CHSY3: variants seen among roughly 807,000 people sequenced by gnomAD.
CHSY3 encodes the protein N-acetylgalactosaminyl-proteoglycan 3-beta-glucuronosyltransferase 3.
In CHSY3, 35 loss-of-function variants were observed where a neutral mutation model predicts 67.2. The ratio of observed to expected loss-of-function variants is 0.52; its 90% CI spans 0.40 to 0.69. The LOEUF is 0.69. CHSY3 is among the 30% of genes least tolerant of loss of function. The pLI is 0.00. For synonymous variants in CHSY3, 474 were observed against 434.7 expected (o/e 1.09, Z -1.12); for missense variants, 1,069 against 1,138.5 (o/e 0.94, Z 0.88).
intron 2 of CHSY3, among the ~76,000 whole-genome samples, chr5:130,154,872 C>G (rs1217367346): frequency 1.3e-5 from 2 of 152,232 alleles, no homozygotes; most frequent in South Asian, 2.1e-4. Context: ...CTGGCAAACC[C>G]TGTACCACTA....
At chr5:130,130,898 C>T (rs763613508) in intron 2 of CHSY3, among the ~76,000 whole-genome samples, 4 of 152,192 alleles carry the variant, frequency 2.6e-5, no homozygotes, top group African/African-American at 9.6e-5. Flanking sequence ...GTCTCACAGA[C>T]AGGTTCTGTT....
At chr5:129,909,976 T>G (rs1760477376) in intron 2 of CHSY3, among the ~76,000 whole-genome samples, 1 of 151,996 alleles carries the variant, frequency 6.6e-6, no homozygotes, top group African/African-American at 2.4e-5. Context: ...TCTTTTCAAG[T>G]TCTCATTGAT....
At chr5:130,164,268 C>T (rs568419717) in intron 2 of CHSY3, among the ~76,000 whole-genome samples, 1 of 151,912 alleles carries the variant, frequency 6.6e-6, no homozygotes, top group Non-Finnish European at 1.5e-5. Context: ...AGCCAGGGTC[C>T]AGGTAATAAG....
chr5:129,906,497 C>T (rs1331491744), intron 1 of CHSY3, among the ~76,000 whole-genome samples: 1 of 152,200 alleles, frequency 6.6e-6, no homozygotes, highest in Non-Finnish European at 1.5e-5. Flanking sequence ...AAGTCCTTCC[C>T]AGAACCACAG....
chr5:129,956,524 A>T (rs1453332278), intron 2 of CHSY3, among the ~76,000 whole-genome samples: 1 of 152,096 alleles, frequency 6.6e-6, no homozygotes, highest in Non-Finnish European at 1.5e-5. Flanking sequence ...CTCAGTTGAT[A>T]GTTTCTTTTG....
intron 2 of CHSY3, among the ~76,000 whole-genome samples, chr5:130,122,641 A>T (rs2149709479): frequency 6.6e-6 from 1 of 152,294 alleles, no homozygotes; most frequent in East Asian, 1.9e-4. Flanking sequence ...TGCTGTTAGG[A>T]TAAGGGTAGT....
At chr5:129,973,572 C>T (rs999246966) in intron 2 of CHSY3, among the ~76,000 whole-genome samples, 4 of 152,036 alleles carry the variant, frequency 2.6e-5, no homozygotes, top group African/African-American at 4.8e-5. Flanking sequence ...CTCCCTAATA[C>T]GCCCCACTGT....
intron 2 of CHSY3, among the ~76,000 whole-genome samples, chr5:130,093,763 C>T (rs1275435032): frequency 6.6e-6 from 1 of 152,052 alleles, no homozygotes; most frequent in Non-Finnish European, 1.5e-5. Context: ...AGAATGGGCT[C>T]ATTTTCATCC....
chr5:129,928,174 C>T lies in CHSY3; in HGVS notation c.1086+19814C>T, dbSNP rs141048509. ...ATTAAACTTGGTATTCATTTGTTAT[C>T]TTTCCTGATCCTCCCTCTCCCCACC... On this transcript the variant is annotated intron_variant, in intron 2 of 2. Transcript: ENST00000305031. Among the ~76,000 whole-genome samples the T allele has an allele frequency of 4.0e-3, 608 of 151,002 alleles. 5 individuals are homozygous for T. The highest frequency in any genetic ancestry group is 0.014 in the African/African-American group (581 of 41,210).
chr5:130,143,406 G>T (rs567196790), intron 2 of CHSY3, among the ~76,000 whole-genome samples: 2 of 152,102 alleles, frequency 1.3e-5, no homozygotes, highest in Non-Finnish European at 2.9e-5. Context: ...ATTAATCTAT[G>T]CTATTTGAAC....
intron 2 of CHSY3, among the ~76,000 whole-genome samples, chr5:130,159,692 AT>A (rs1375349844): frequency 2.0e-5 from 3 of 152,184 alleles, no homozygotes; most frequent in African/African-American, 4.8e-5. Flanking sequence ...CTTTAAGCAA[AT>A]TAGCATATAT....
In CHSY3 at chr5:130,070,437, G is replaced by T. The variant is rs145684395; in HGVS notation, c.1087-113792G>T. Among the ~76,000 whole-genome samples the T allele has an allele frequency of 2.1e-3, 314 of 152,162 alleles. 3 individuals carry two copies. Among genetic ancestry groups the T allele is most frequent in the African/African-American group, 6.9e-3 (287 of 41,542 alleles). ...CAGTGATTGAAAGGCAAAGAGCTTG[G>T]ATAAATGAATCCACCACGTCCAGCT... On this transcript the variant is annotated intron_variant, in intron 2 of 2. Coordinates refer to ENST00000305031, the MANE Select transcript of CHSY3 (RefSeq NM_175856.5).
chr5:129,959,072 C>A (rs1487165613), intron 2 of CHSY3, among the ~76,000 whole-genome samples: 3 of 151,866 alleles, frequency 2.0e-5, no homozygotes, highest in Non-Finnish European at 4.4e-5. Context: ...AGTGAATATG[C>A]TCTCTTTAGT....
At chr5:129,918,604 C>T (rs570005899) in intron 2 of CHSY3, among the ~76,000 whole-genome samples, 7 of 152,008 alleles carry the variant, frequency 4.6e-5, no homozygotes, top group Non-Finnish European at 1.0e-4. Context: ...CTGGAAGTAA[C>T]ACATAGGGGC....
At chr5:130,078,162 C>T (rs887666853) in intron 2 of CHSY3, among the ~76,000 whole-genome samples, 1 of 152,086 alleles carries the variant, frequency 6.6e-6, no homozygotes, top group East Asian at 1.9e-4. Context: ...TTGTCTGATC[C>T]CAGGTTCCAA....
chr5:130,062,617 G>T (rs1049865248), intron 2 of CHSY3, among the ~76,000 whole-genome samples: 1 of 152,034 alleles, frequency 6.6e-6, no homozygotes, highest in African/African-American at 2.4e-5. Context: ...GCATACCTAT[G>T]TAATAATTTT....
chr5:129,985,775 T>C (rs1763181751), intron 2 of CHSY3, among the ~76,000 whole-genome samples: 1 of 152,182 alleles, frequency 6.6e-6, no homozygotes, highest in Non-Finnish European at 1.5e-5. Context: ...GTATCTTCTC[T>C]TTGTGGCTTT....
chr5:130,077,234 A>G (rs1766296411), intron 2 of CHSY3, among the ~76,000 whole-genome samples: 1 of 152,068 alleles, frequency 6.6e-6, no homozygotes, highest in African/African-American at 2.4e-5. Context: ...CCTGCTTCAC[A>G]ATATCTTTAA....
At chr5:129,998,003 A>G (rs1763597151) in intron 2 of CHSY3, among the ~76,000 whole-genome samples, 3 of 152,174 alleles carry the variant, frequency 2.0e-5, no homozygotes, top group Admixed American at 2.0e-4. Context: ...AGCATGATTT[A>G]TTATTCTTTG....
Sources: gnomAD v4.1 joint callset for allele counts (sites outside exome capture counted in the v4.1 genomes callset) on GRCh38, gnomAD v4.1.1 for gene constraint, MANE v1.5 for transcripts, NCBI Gene and HGNC (gene_info 2026-07-23, HGNC 2026-07-21) for gene names.